CSMD3: variants seen among roughly 807,000 people sequenced by gnomAD.
CSMD3 encodes the protein CUB and Sushi multiple domains 3.
A neutral mutation model predicts 435.2 loss-of-function variants in CSMD3; 177 were observed. That is an observed-to-expected ratio of 0.41 (90% CI 0.36 to 0.46). CSMD3 has a LOEUF of 0.46. CSMD3 is among the 20% of genes least tolerant of loss of function. CSMD3 has a pLI of 0.34. For missense variants in CSMD3, 4,265 were observed against 4,504.6 expected (o/e 0.95, Z 1.52); for synonymous variants, 1,656 against 1,520.5 (o/e 1.09, Z -2.07).
rs1351375825 is a variant in CSMD3, at chr8:113,099,009, T to C, written c.710-46A>G. 3.1e-6 allele frequency: 4 copies of C among 1,273,934 alleles called. No individual in the cohort carries two copies. The South Asian group carries it at 4.8e-5, about 15-fold the overall frequency. The allele number at this position is 1,273,934 out of a possible 1,614,324, so 78.9% of individuals were successfully genotyped here. A position where few individuals can be genotyped will look rare whatever the true frequency, so the allele number is the denominator to read the frequency against. On this transcript the variant is annotated intron_variant, in intron 4 of 70. Coordinates refer to ENST00000297405, the MANE Select transcript of CSMD3 (RefSeq NM_198123.2). ...TTCAGTTGTAAGTTATTGAGATAAA[T>C]GCAATTGTTCAGTTGTAAGTAAAGC...
intron 66 of CSMD3, among the ~76,000 whole-genome samples, chr8:112,240,604 A>G (rs1814027782): frequency 6.6e-6 from 1 of 152,048 alleles, no homozygotes. Flanking sequence ...ACTGAGAGAA[A>G]TCTGTTTCCA....
intron 1 of CSMD3, among the ~76,000 whole-genome samples, chr8:113,400,799 TTAAA>T (rs1257184054): frequency 3.0e-4 from 46 of 152,008 alleles, no homozygotes; most frequent in African/African-American, 9.9e-4. Context: ...CTCAAAATGG[TTAAA>T]TAGAGCTCCC....
At chr8:112,775,453 T>C (rs1379370597) in intron 13 of CSMD3, among the ~76,000 whole-genome samples, 1 of 148,354 alleles carries the variant, frequency 6.7e-6, no homozygotes, top group Non-Finnish European at 1.5e-5. Flanking sequence ...TTGTTACTTA[T>C]ATTATATACA....
At chr8:113,025,540 G>A (rs1244215388) in intron 5 of CSMD3, among the ~76,000 whole-genome samples, 4 of 152,124 alleles carry the variant, frequency 2.6e-5, no homozygotes, top group African/African-American at 9.7e-5. Flanking sequence ...CAGCTATATT[G>A]GTCCAGGAGC....
chr8:113,243,067 T>C (rs2093236979), intron 3 of CSMD3, among the ~76,000 whole-genome samples: 1 of 152,010 alleles, frequency 6.6e-6, no homozygotes, highest in Non-Finnish European at 1.5e-5. Context: ...TTTTAACTTG[T>C]ATCTTTTGAT....
chr8:112,891,311 C>T (rs985867945), intron 10 of CSMD3, among the ~76,000 whole-genome samples: 12 of 151,684 alleles, frequency 7.9e-5, no homozygotes, highest in African/African-American at 2.7e-4. Context: ...CAATCTTGAG[C>T]AGCACTGCAC....
chr8:113,388,964 G>A (rs1181130702), intron 1 of CSMD3, among the ~76,000 whole-genome samples: 2 of 151,440 alleles, frequency 1.3e-5, no homozygotes, highest in Admixed American at 6.6e-5. Flanking sequence ...ATGCTTTTGA[G>A]GACATAGCAA....
At chr8:112,833,075 G>A (rs1437877891) in intron 11 of CSMD3, among the ~76,000 whole-genome samples, 1 of 152,060 alleles carries the variant, frequency 6.6e-6, no homozygotes, top group Non-Finnish European at 1.5e-5. Flanking sequence ...TATAAGATAA[G>A]ACTGTACCTT....
At chr8:113,260,742 TAGGCCCCA>T (rs1563619604) in intron 3 of CSMD3, among the ~76,000 whole-genome samples, 2 of 151,968 alleles carry the variant, frequency 1.3e-5, no homozygotes, top group South Asian at 4.1e-4. Context: ...CCCCACTCCA[TAGGCCCCA>T]GTGTGTGATG....
chr8:112,466,599 T>C (rs1241301693), intron 32 of CSMD3, among the ~76,000 whole-genome samples: 1 of 152,212 alleles, frequency 6.6e-6, no homozygotes, highest in African/African-American at 2.4e-5. Context: ...AAAACATATA[T>C]GTATACATTT....
intron 3 of CSMD3, among the ~76,000 whole-genome samples, chr8:113,235,618 A>C (rs1036985571): frequency 2.6e-5 from 4 of 152,148 alleles, no homozygotes; most frequent in African/African-American, 9.6e-5. Flanking sequence ...TAAGGAAGAC[A>C]GAGAGAGCTG....
chr8:112,258,896 G>A (rs1003175027), intron 61 of CSMD3, among the ~76,000 whole-genome samples: 1 of 152,038 alleles, frequency 6.6e-6, no homozygotes, highest in Non-Finnish European at 1.5e-5. Flanking sequence ...AAACTTAGCT[G>A]GGTGTGGTGG....
At chr8:112,714,688 G>A (rs181012944) in intron 13 of CSMD3, among the ~76,000 whole-genome samples, 16 of 152,102 alleles carry the variant, frequency 1.1e-4, no homozygotes, top group South Asian at 4.1e-4. Flanking sequence ...AAGCTCCTCC[G>A]CAAATGCAAA....
intron 12 of CSMD3, among the ~76,000 whole-genome samples, chr8:112,810,869 A>G (rs1224182039): frequency 6.6e-6 from 1 of 152,084 alleles, no homozygotes; most frequent in East Asian, 1.9e-4. Context: ...TGGTTTAGTA[A>G]GATGTCATGA....
chr8:113,370,487 A>G (rs1467977008), intron 1 of CSMD3, among the ~76,000 whole-genome samples: 1 of 151,798 alleles, frequency 6.6e-6, no homozygotes, highest in Non-Finnish European at 1.5e-5. Context: ...AAAAAGGCAT[A>G]TTGTGAAAGA....
At chr8:112,817,004 G>A (rs1343041788) in intron 12 of CSMD3, among the ~76,000 whole-genome samples, 1 of 151,930 alleles carries the variant, frequency 6.6e-6, no homozygotes, top group Non-Finnish European at 1.5e-5. Flanking sequence ...GAATGAAGAA[G>A]GTTTAGATAT....
intron 8 of CSMD3, among the ~76,000 whole-genome samples, chr8:112,952,974 A>G (rs1361285530): frequency 6.6e-6 from 1 of 151,322 alleles, no homozygotes; most frequent in African/African-American, 2.4e-5. Context: ...CACTAAGGCA[A>G]TATACCAACA....
At chr8:113,165,221 G>A (rs937592204) in intron 4 of CSMD3, among the ~76,000 whole-genome samples, 3 of 152,036 alleles carry the variant, frequency 2.0e-5, no homozygotes, top group Non-Finnish European at 2.9e-5. Context: ...CTTTGTGGAC[G>A]CAAAGATAAT....
At chr8:112,496,277 A>AT (rs1230293135) in intron 30 of CSMD3, among the ~76,000 whole-genome samples, 6 of 152,124 alleles carry the variant, frequency 3.9e-5, no homozygotes, top group African/African-American at 1.4e-4. Context: ...CCACGTCTTA[A>AT]TTTTTAATTA....
Sources: gnomAD v4.1 joint callset for allele counts (sites outside exome capture counted in the v4.1 genomes callset) on GRCh38, gnomAD v4.1.1 for gene constraint, MANE v1.5 for transcripts, NCBI Gene and HGNC (gene_info 2026-07-23, HGNC 2026-07-21) for gene names.